TENM3: variants seen among roughly 807,000 people sequenced by gnomAD.
TENM3 encodes the protein teneurin transmembrane protein 3.
A neutral mutation model predicts 255.1 loss-of-function variants in TENM3; 63 were observed. That is an observed-to-expected ratio of 0.25 (90% CI 0.20 to 0.30). The LOEUF (loss-of-function observed/expected upper bound fraction) is 0.30. Ranked by LOEUF, TENM3 falls within the 10% of genes least tolerant of loss-of-function variation. TENM3 has a pLI of 1.00. For synonymous variants in TENM3, 1,306 were observed against 1,322.3 expected, an observed-to-expected ratio of 0.99 and a Z score of 0.27; for missense variants, 2,929 against 3,461.1, an observed-to-expected ratio of 0.85 and a Z score of 3.86.
At chr4:182,115,051 G>A in the TENM3 span, among the ~76,000 whole-genome samples, 1 of 152,038 alleles carries the variant, frequency 6.6e-6, no homozygotes, top group African/African-American at 2.4e-5. Context: ...CATGGTGTCG[G>A]GTGCCTGTAA....
chr4:182,703,877 T>C (rs541726992), intron 12 of TENM3, among the ~76,000 whole-genome samples: 2 of 152,218 alleles, frequency 1.3e-5, no homozygotes, highest in African/African-American at 2.4e-5. Context: ...CCCATTGATA[T>C]TGCCCAGATC....
At chr4:182,429,276 T>G (rs1481352491) in intron 3 of TENM3, among the ~76,000 whole-genome samples, 2 of 152,214 alleles carry the variant, frequency 1.3e-5, no homozygotes, top group East Asian at 1.9e-4. Flanking sequence ...AAACATTATT[T>G]GGTATTATTG....
chr4:181,836,697 T>C, the TENM3 span, among the ~76,000 whole-genome samples: 23 of 152,310 alleles, frequency 1.5e-4, no homozygotes, highest in East Asian at 3.7e-3. Flanking sequence ...ATAAAGCCAG[T>C]GCCCTCCCAT....
Position 182,602,952 on chromosome 4 carries a change from C to T in TENM3, c.749+1791C>T, listed in dbSNP as rs576634974. The stretch of plus-strand genomic sequence containing the variant: ...ATATGTCAAATTAAATCCTCAGAAA[C>T]GTGTTTAATTTTAGTGATGTTATAA... On this transcript the variant is annotated intron_variant, in intron 4 of 27. Coordinates refer to ENST00000511685, the MANE Select transcript of TENM3 (RefSeq NM_001080477.4). 1.6e-4 allele frequency among the ~76,000 whole-genome samples: 25 copies of T among 152,200 alleles called. 1 individual carries two copies. The South Asian group carries it at 4.2e-3, about 25-fold the overall frequency.
chr4:181,699,472 A>AAAAAAAAAAAAAAT, the TENM3 span, among the ~76,000 whole-genome samples: 1 of 133,000 alleles, frequency 7.5e-6, no homozygotes, highest in Admixed American at 7.9e-5. Flanking sequence ...AAAAAAAAAA[A>AAAAAAAAAAAAAAT]GAAAGAAAGA....
At chr4:182,254,581 T>C (rs1477143855) in intron 1 of TENM3, among the ~76,000 whole-genome samples, 1 of 152,204 alleles carries the variant, frequency 6.6e-6, no homozygotes, top group Non-Finnish European at 1.5e-5. Context: ...CAGAGCAGAA[T>C]TTCCCTTATT....
At chr4:182,022,170 T>TAAA in the TENM3 span, among the ~76,000 whole-genome samples, 180 of 144,434 alleles carry the variant, frequency 1.2e-3, 1 homozygote, top group Middle Eastern at 0.018. Context: ...GTGGATTGGA[T>TAAA]AAAAAAAAAA....
At chr4:181,777,067 T>C in the TENM3 span, among the ~76,000 whole-genome samples, 49 of 152,132 alleles carry the variant, frequency 3.2e-4, no homozygotes, top group Non-Finnish European at 4.7e-4. Context: ...TTTTGGGTCT[T>C]ATGTTTAAGT....
At chr4:181,830,710 A>G in the TENM3 span, among the ~76,000 whole-genome samples, 5 of 152,200 alleles carry the variant, frequency 3.3e-5, no homozygotes, top group South Asian at 2.1e-4. Flanking sequence ...TGTGCCTGCC[A>G]CACAGTAACA....
intron 12 of TENM3, among the ~76,000 whole-genome samples, chr4:182,710,251 T>C (rs541591203): frequency 7.9e-5 from 12 of 152,344 alleles, no homozygotes; most frequent in Admixed American, 5.2e-4. Context: ...GATGGCACTT[T>C]CTTTATGTTC....
the TENM3 span, among the ~76,000 whole-genome samples, chr4:182,049,476 G>A: frequency 6.6e-6 from 1 of 152,166 alleles, no homozygotes; most frequent in South Asian, 2.1e-4. Context: ...GCAACCTAGT[G>A]TCACCTGGAA....
chr4:181,828,940 C>T, the TENM3 span, among the ~76,000 whole-genome samples: 12,020 of 152,196 alleles, frequency 0.079, 1,064 homozygotes, highest in East Asian at 0.53. Context: ...ACCACCCTGT[C>T]TGTCAGGGAC....
At chr4:182,701,925 T>C (rs1040242841) in intron 12 of TENM3, among the ~76,000 whole-genome samples, 4 of 152,346 alleles carry the variant, frequency 2.6e-5, no homozygotes, top group South Asian at 2.1e-4. Flanking sequence ...GAAAAATCTT[T>C]AGCAAACTCA....
the TENM3 span, among the ~76,000 whole-genome samples, chr4:181,576,468 G>A: frequency 6.6e-6 from 1 of 152,238 alleles, no homozygotes; most frequent in Admixed American, 6.5e-5. Context: ...GGATCATGTG[G>A]TTCTATTTCT....
chr4:181,934,204 C>G, the TENM3 span, among the ~76,000 whole-genome samples: 26 of 152,170 alleles, frequency 1.7e-4, no homozygotes, highest in African/African-American at 6.3e-4. Flanking sequence ...GATTGCTTCT[C>G]GATTAGGACT....
At chr4:181,709,858 A>T in the TENM3 span, among the ~76,000 whole-genome samples, 10 of 152,204 alleles carry the variant, frequency 6.6e-5, no homozygotes, top group African/African-American at 2.4e-4. Context: ...TATGGGAGAA[A>T]GGAGAAAATC....
intron 3 of TENM3, among the ~76,000 whole-genome samples, chr4:182,388,793 A>G (rs570677727): frequency 6.6e-6 from 1 of 152,312 alleles, no homozygotes; most frequent in East Asian, 1.9e-4. Flanking sequence ...ATTTTTCAGA[A>G]GCCTTTATCT....
chr4:182,049,845 G>A, the TENM3 span, among the ~76,000 whole-genome samples: 3 of 152,074 alleles, frequency 2.0e-5, 1 homozygote, highest in South Asian at 6.2e-4. Flanking sequence ...GTATAAATCA[G>A]GGAACAATTA....
At chr4:181,604,070 C>T in the TENM3 span, among the ~76,000 whole-genome samples, 1 of 152,136 alleles carries the variant, frequency 6.6e-6, no homozygotes, top group African/African-American at 2.4e-5. Flanking sequence ...CGAGACCATC[C>T]TGGTTAACAC....
Sources: allele counts gnomAD v4.1 joint callset (sites outside exome capture counted in the v4.1 genomes callset), GRCh38; gene constraint gnomAD v4.1.1; transcripts MANE v1.5; gene names NCBI Gene and HGNC (gene_info 2026-07-23, HGNC 2026-07-21).